SLC35F3: variants seen among roughly 807,000 people sequenced by gnomAD.
SLC35F3 encodes solute carrier family 35 member F3, also known as putative thiamine transporter SLC35F3.
SLC35F3 carries 25 observed loss-of-function variants against 49.9 expected under a neutral mutation model. The ratio of observed to expected loss-of-function variants is 0.50; its 90% CI spans 0.37 to 0.70. The LOEUF is 0.70. SLC35F3 is among the 30% of genes least tolerant of loss of function. The pLI is 0.00. For missense variants in SLC35F3, 525 were observed against 639.8 expected (o/e 0.82, Z 1.94); for synonymous variants, 275 against 265.4 (o/e 1.04, Z -0.35).
At chr1:233,994,025 G>A (rs1291165125) in intron 2 of SLC35F3, among the ~76,000 whole-genome samples, 1 of 152,168 alleles carries the variant, frequency 6.6e-6, no homozygotes, top group Non-Finnish European at 1.5e-5. Flanking sequence ...AGCCATGGGG[G>A]AAAGGTATTT....
intron 1 of SLC35F3, 35 bp downstream of exon 1, chr1:233,905,165 G>C: frequency 6.5e-7 from 1 of 1,549,128 alleles, no homozygotes; most frequent in Admixed American, 2.0e-5. Flanking sequence ...GAGCGAGCCG[G>C]CGGGCGGGAG....
At chr1:234,234,182 G>A (rs533193025) in intron 3 of SLC35F3, among the ~76,000 whole-genome samples, 4 of 152,312 alleles carry the variant, frequency 2.6e-5, no homozygotes, top group African/African-American at 9.6e-5. Flanking sequence ...TTTGTCTGAG[G>A]AGATGAGTCT....
At chr1:233,923,919 T>C (rs1351274148) in intron 2 of SLC35F3, among the ~76,000 whole-genome samples, 1 of 152,232 alleles carries the variant, frequency 6.6e-6, no homozygotes, top group African/African-American at 2.4e-5. Flanking sequence ...TTTTTGTCGA[T>C]GGTTCTGTTT....
intron 4 of SLC35F3, among the ~76,000 whole-genome samples, chr1:234,315,907 A>T (rs1390052893): frequency 1.3e-5 from 2 of 152,206 alleles, no homozygotes; most frequent in East Asian, 3.8e-4. Context: ...TTCACTTTCC[A>T]TGAGAGTAAT....
intron 3 of SLC35F3, among the ~76,000 whole-genome samples, chr1:234,297,242 A>C (rs1291244345): frequency 1.3e-5 from 2 of 152,252 alleles, no homozygotes; most frequent in Non-Finnish European, 2.9e-5. Flanking sequence ...AACAGTATGG[A>C]GATACCTCAA....
At chr1:234,085,095 C>G (rs555832356) in intron 2 of SLC35F3, among the ~76,000 whole-genome samples, 1 of 152,304 alleles carries the variant, frequency 6.6e-6, no homozygotes, top group South Asian at 2.1e-4. Flanking sequence ...CAAATCCATA[C>G]AGAAAGAAAG....
At chr1:233,947,100 T>G (rs1433889344) in intron 2 of SLC35F3, among the ~76,000 whole-genome samples, 1 of 152,210 alleles carries the variant, frequency 6.6e-6, no homozygotes, top group Non-Finnish European at 1.5e-5. Flanking sequence ...CAAGAGAAAC[T>G]TAAAATTAGG....
intron 2 of SLC35F3, among the ~76,000 whole-genome samples, chr1:233,977,402 A>G (rs2102820246): frequency 6.6e-6 from 1 of 152,312 alleles, no homozygotes; most frequent in East Asian, 1.9e-4. Flanking sequence ...CACAGCTCTC[A>G]TATTAAAGAA....
intron 2 of SLC35F3, among the ~76,000 whole-genome samples, chr1:234,179,563 A>AAC (rs1666527234): frequency 6.6e-6 from 1 of 152,174 alleles, no homozygotes; most frequent in African/African-American, 2.4e-5. Context: ...TTGTGTTGGG[A>AAC]ACATTCACTA....
At chr1:234,066,830 C>CCA (rs61401819) in intron 2 of SLC35F3, among the ~76,000 whole-genome samples, 1,547 of 135,160 alleles carry the variant, frequency 0.011, 19 homozygotes, top group African/African-American at 0.036. Context: ...CCTCTCTCTC[C>CCA]CACACACACA....
rs1657294555 is a variant in SLC35F3 at position 234,309,411 on chromosome 1, T to C, written c.828+91T>C. The stretch of plus-strand genomic sequence containing the variant: ...TTGCTTAGCTCCATGTGCTGGACCA[T>C]GAGCATAAGCTGCTGACCACTTTCC... On this transcript the variant is annotated intron_variant, in intron 4 of 7. Transcript: ENST00000366618. 43 of 1,120,620 alleles carry C rather than the reference T, an allele frequency of 3.8e-5. No individual in the cohort carries two copies. The South Asian group carries it at 4.4e-4, about 12-fold the overall frequency. The allele number at this position is 1,120,620 out of a possible 1,614,324, so 69.4% of individuals were successfully genotyped here. A position where few individuals can be genotyped will look rare whatever the true frequency, so the allele number is the denominator to read the frequency against.
chr1:233,941,643 A>G (rs1662422372), intron 2 of SLC35F3, among the ~76,000 whole-genome samples: 1 of 152,206 alleles, frequency 6.6e-6, no homozygotes, highest in South Asian at 2.1e-4. Flanking sequence ...TGATTGTCAT[A>G]ACTCCCCGAT....
At position 234,046,537 on chromosome 1, in the gene SLC35F3, C is replaced by T. The variant is rs576575918; in HGVS notation, c.283+140779C>T. Among the ~76,000 whole-genome samples, 1 of 152,182 alleles carries T rather than the reference C, an allele frequency of 6.6e-6. No individual in the cohort carries two copies. The highest frequency in any genetic ancestry group is 6.5e-5 in the Admixed American group (1 of 15,288). ...CAATTATCTGTATTGCAAAATCTCCCTTGCTGTGGTTTTTATTTGCACTTT... is the reference window on the plus strand; with the variant it reads ...CAATTATCTGTATTGCAAAATCTCCTTTGCTGTGGTTTTTATTTGCACTTT... On this transcript the variant is annotated intron_variant, in intron 2 of 7. Coordinates refer to ENST00000366618, the MANE Select transcript of SLC35F3 (RefSeq NM_173508.4). The surrounding 1 kb of genome is among the most constrained non-coding windows in gnomAD (Gnocchi z 4.4).
chr1:234,090,776 G>A (rs1665031349), intron 2 of SLC35F3, among the ~76,000 whole-genome samples: 1 of 152,178 alleles, frequency 6.6e-6, no homozygotes, highest in East Asian at 1.9e-4. Context: ...GACAAGAGCT[G>A]CCCTCAGTTC....
At chr1:233,954,838 A>G (rs1424887846) in intron 2 of SLC35F3, among the ~76,000 whole-genome samples, 5 of 152,064 alleles carry the variant, frequency 3.3e-5, no homozygotes. Flanking sequence ...AGGAATCCCC[A>G]GTCTTCAATT....
At chr1:234,312,656 C>T (rs545954882) in intron 4 of SLC35F3, among the ~76,000 whole-genome samples, 4 of 152,252 alleles carry the variant, frequency 2.6e-5, no homozygotes, top group African/African-American at 9.6e-5. Flanking sequence ...TCCCTCCAAA[C>T]TCCAGTAATC....
chr1:233,927,586 A>C (rs763070509), intron 2 of SLC35F3, among the ~76,000 whole-genome samples: 1 of 152,150 alleles, frequency 6.6e-6, no homozygotes, highest in Non-Finnish European at 1.5e-5. Flanking sequence ...AGATGTTTAC[A>C]TAATTTTCAT....
At chr1:234,232,528 AAAAAAAAAAAAAG>A (rs1393133670) in intron 3 of SLC35F3, among the ~76,000 whole-genome samples, 32 of 148,420 alleles carry the variant, frequency 2.2e-4, no homozygotes, top group African/African-American at 8.0e-4. Context: ...TCAAAAAAAA[AAAAAAAAAAAAAG>A]AAAAAGAAAA....
intron 3 of SLC35F3, among the ~76,000 whole-genome samples, chr1:234,241,796 T>C (rs1667558209): frequency 1.3e-5 from 2 of 150,100 alleles, no homozygotes; most frequent in African/African-American, 2.5e-5. Flanking sequence ...GGCTACAAGG[T>C]TTGGGGTGCA....
Sources: gnomAD v4.1 joint callset for allele counts (sites outside exome capture counted in the v4.1 genomes callset) on GRCh38, gnomAD v4.1.1 for gene constraint, Gnocchi (gnomAD v3.1) non-coding constraint, MANE v1.5 for transcripts, NCBI Gene and HGNC (gene_info 2026-07-23, HGNC 2026-07-21) for gene names.